PYGB: variants seen among roughly 807,000 people sequenced by gnomAD.
PYGB encodes glycogen phosphorylase, brain form.
In PYGB, 82 loss-of-function variants were observed where a neutral mutation model predicts 94.3. The observed-to-expected ratio is 0.87, with a 90% CI of 0.73 to 1.04. The LOEUF is 1.04. Among genes scored for constraint, PYGB ranks in the 50% least tolerant of loss-of-function variants. PYGB has a pLI of 0.00. For synonymous variants in PYGB, 488 were observed against 479.1 expected, an observed-to-expected ratio of 1.02 and a Z score of -0.24; for missense variants, 1,132 against 1,158.2, an observed-to-expected ratio of 0.98 and a Z score of 0.33.
At chr20:25,271,361 G>C in intron 3 of PYGB, 22 bp from the exon 4 acceptor site, 1 of 1,610,970 alleles carries the variant, frequency 6.2e-7, no homozygotes, top group Non-Finnish European at 8.5e-7. Context: ...GATTCTGACT[G>C]ATTTGTGATT....
At position 25,280,972 on chromosome 20, in the gene PYGB, C is replaced by T. The variant is rs201126775; in HGVS notation, c.1263C>T (p.Gly421=). Residue 421 remains glycine, a synonymous_variant, in exon 11 of 20, where the codon GGC becomes GGT. Coordinates refer to ENST00000216962, the MANE Select transcript of PYGB (RefSeq NM_002862.4). ...AGCACGTGGCCGCGCTGTTTCCCGGCGATGTGGACCGCCTGCGCAGGATGT... is the reference window on the plus strand; with the variant it reads ...AGCACGTGGCCGCGCTGTTTCCCGGTGATGTGGACCGCCTGCGCAGGATGT... ...HLDHVAALFP[G]DVDRLRRMSV... 1.2e-5 allele frequency: 19 copies of T among 1,613,992 alleles called. No individual in the cohort carries two copies. The highest frequency in any genetic ancestry group is 2.2e-5 in the East Asian group (1 of 44,882).
intron 14 of PYGB, chr20:25,285,554 C>T (rs1478042003): frequency 6.6e-6 from 1 of 151,968 alleles, no homozygotes; most frequent in Non-Finnish European, 1.5e-5. Context: ...TTGGTTCATT[C>T]GTTTTGAACG....
In PYGB at chr20:25,296,363, C is replaced by A. The variant is rs752141561; in HGVS notation, c.2380-7C>A. On this transcript the variant is annotated splice_region_variant and splice_polypyrimidine_tract_variant and intron_variant, in intron 19 of 19. Transcript: ENST00000216962. ...GCCAGAGACTAATTTCATCTCCTTC[C>A]CTGCAGAACCCCAAGGAGTGGACCA... The A allele has an allele frequency of 5.0e-6, 8 of 1,614,046 alleles. No individual in the cohort carries two copies. Among genetic ancestry groups the A allele is most frequent in the Non-Finnish European group, 6.8e-6 (8 of 1,180,002 alleles).
At chr20:25,294,095 C>G in intron 17 of PYGB, 63 bp from the exon 18 acceptor site, 2 of 1,587,162 alleles carry the variant, frequency 1.3e-6, no homozygotes, top group Admixed American at 1.8e-5. Context: ...ACCAACATGG[C>G]TTGTTCTCCA....
At chr20:25,277,105 G>C (rs975534184) in intron 6 of PYGB, 139 bp from the exon 7 acceptor site, 2 of 680,814 alleles carry the variant, frequency 2.9e-6, no homozygotes, top group African/African-American at 3.6e-5. Flanking sequence ...AGGGATGGGG[G>C]TGAGGGGAAG....
chr20:25,293,433 C>CA (rs201920553), intron 17 of PYGB, among the ~76,000 whole-genome samples: 4 of 246 alleles, frequency 0.016, no homozygotes, highest in East Asian at 0.17. Context: ...ATGATCTGGA[C>CA]GTCATGAGGA....
intron 13 of PYGB, among the ~76,000 whole-genome samples, chr20:25,283,674 G>T (rs1283727589): frequency 6.6e-6 from 1 of 152,230 alleles, no homozygotes; most frequent in East Asian, 1.9e-4. Flanking sequence ...CTCTCGGCTA[G>T]ACCAGGGCCA....
In PYGB at chr20:25,284,118, G is replaced by C. The variant is rs763500474; in HGVS notation, c.1635G>C (p.Lys545Asn). The C allele has an allele frequency of 1.4e-5, 22 of 1,614,044 alleles. No individual in the cohort carries two copies. The highest frequency in any genetic ancestry group is 1.9e-5 in the Non-Finnish European group (22 of 1,179,966). ...VAKVKQENKL[K>N]FSAFLEKEYK... ...CACCCTCCCAGGAGAACAAGCTCAA[G>C]TTCTCGGCCTTCCTGGAGAAGGAGT... Residue 545 changes from lysine to asparagine, a missense_variant, in exon 14 of 20, where the codon AAG becomes AAC. Lys to Asn is a moderately conservative substitution (Grantham distance 94). Transcript: ENST00000216962.
intron 2 of PYGB, among the ~76,000 whole-genome samples, chr20:25,263,522 A>T (rs962133141): frequency 3.9e-5 from 6 of 152,236 alleles, no homozygotes; most frequent in African/African-American, 1.4e-4. Flanking sequence ...AACAAAATTG[A>T]TAGACCGGTA....
intron 2 of PYGB, among the ~76,000 whole-genome samples, chr20:25,265,592 ATTTTTTTTT>A (rs34336965): frequency 3.3e-5 from 4 of 119,674 alleles, no homozygotes; most frequent in South Asian, 5.2e-4. Flanking sequence ...TTGTTGTTGA[ATTTTTTTTT>A]TTTTTTTTTT....
chr20:25,288,378 G>C lies in PYGB; in HGVS notation c.1769-47G>C, dbSNP rs201684333. 6.7e-5 allele frequency: 108 copies of C among 1,610,448 alleles called. 1 individual carries two copies. The South Asian group carries it at 1.1e-3, about 16-fold the overall frequency. On this transcript the variant is annotated intron_variant, in intron 14 of 19. Transcript: ENST00000216962. The stretch of plus-strand genomic sequence containing the variant: ...TGCTGCTGGGCCCCAGCAGGGGCTC[G>C]TCCGGCTCGCGGTGCCTTGTGTGAG...
Position 25,297,194 on chromosome 20 carries a change from A to G in PYGB, c.*672A>G. The G allele has an allele frequency of 6.6e-6, 1 of 152,620 alleles. No individual in the cohort carries two copies. The highest frequency in any genetic ancestry group is 1.5e-5 in the Non-Finnish European group (1 of 68,276). The allele number at this position is 152,620 out of a possible 1,614,324, so 9.5% of individuals were successfully genotyped here. A position where few individuals can be genotyped will look rare whatever the true frequency, so the allele number is the denominator to read the frequency against. On this transcript the variant is annotated 3_prime_UTR_variant, in exon 20 of 20. Transcript: ENST00000216962. ...TTGGAACCCGGGATGACTGAGGGGG[A>G]CACTGGAGTGGGTGCTTGTGTCTGC...
intron 1 of PYGB, among the ~76,000 whole-genome samples, chr20:25,249,228 A>C (rs1176082031): frequency 6.9e-6 from 1 of 144,192 alleles, no homozygotes; most frequent in African/African-American, 2.4e-5. Flanking sequence ...AGTATAATGC[A>C]CATACAGTTT....
rs1446786149 is a variant in PYGB at position 25,296,387 on chromosome 20, C to T, written c.2397C>T (p.Thr799=). ...DQLYRNPKEW[T]KKVIRNIACS... is the part of the protein sequence containing the mutation. The stretch of plus-strand genomic sequence containing the variant: ...CCCTGCAGAACCCCAAGGAGTGGAC[C>T]AAGAAGGTCATCAGGAACATCGCCT... Residue 799 remains threonine (T), a synonymous_variant, in exon 20 of 20, where the codon ACC becomes ACT. Coordinates refer to ENST00000216962, the MANE Select transcript of PYGB (RefSeq NM_002862.4). The T allele has an allele frequency of 6.2e-7, 1 of 1,614,052 alleles. No homozygotes were observed. Among genetic ancestry groups the T allele is most frequent in the South Asian group, 1.1e-5 (1 of 91,080 alleles).
Position 25,283,827 on chromosome 20 carries a change from C to T in PYGB, c.1621-277C>T, listed in dbSNP as rs112795799. ...CCCGCGCTGCTCCGCCGCCTGCACG[C>T]CTGGCTCTGCAGTGTCTTCTGCTTG... On this transcript the variant is annotated intron_variant, in intron 13 of 19. Coordinates refer to ENST00000216962, the MANE Select transcript of PYGB (RefSeq NM_002862.4). 7.2e-3 allele frequency among the ~76,000 whole-genome samples: 1,090 copies of T among 152,258 alleles called. 4 individuals are homozygous for T. Among genetic ancestry groups the T allele is most frequent in the Middle Eastern group, 0.02 (6 of 294 alleles).
At chr20:25,254,849 A>G (rs942668307) in intron 1 of PYGB, among the ~76,000 whole-genome samples, 1 of 152,176 alleles carries the variant, frequency 6.6e-6, no homozygotes, top group Non-Finnish European at 1.5e-5. Flanking sequence ...ACTTGTGGCA[A>G]TGTGTGTCAT....
In PYGB at chr20:25,288,172, C is replaced by G. The variant is rs113425226; in HGVS notation, c.1769-253C>G. On this transcript the variant is annotated intron_variant, in intron 14 of 19. Coordinates refer to ENST00000216962, the MANE Select transcript of PYGB (RefSeq NM_002862.4). The stretch of plus-strand genomic sequence containing the variant: ...GGGTTCGTCCATGGTCCTGGCTGGC[C>G]TTCCTCACCAGCGGGGAACCTAAGT... 4.1e-4 allele frequency: 262 copies of G among 638,368 alleles called. 1 individual carries two copies. The highest frequency in any genetic ancestry group is 4.1e-3 in the African/African-American group (227 of 55,622). 39.5% of individuals were successfully genotyped at this position (638,368 alleles called of 1,614,324 possible).
chr20:25,263,160 T>C (rs953352626), intron 2 of PYGB, among the ~76,000 whole-genome samples: 7 of 152,206 alleles, frequency 4.6e-5, no homozygotes, highest in African/African-American at 1.4e-4. Flanking sequence ...CAACAAAATA[T>C]ACATTCTTCT....
intron 2 of PYGB, among the ~76,000 whole-genome samples, chr20:25,268,062 A>T (rs888137266): frequency 6.6e-6 from 1 of 151,984 alleles, no homozygotes; most frequent in Admixed American, 6.6e-5. Context: ...GGTTAAGTTT[A>T]GACCATAAAC....
Sources: gnomAD v4.1 joint callset for allele counts (sites outside exome capture counted in the v4.1 genomes callset) on GRCh38, gnomAD v4.1.1 for gene constraint, MANE v1.5 for transcripts, NCBI Gene and HGNC (gene_info 2026-07-23, HGNC 2026-07-21) for gene names.